The following EFCAB3 variants were observed in gnomAD, a reference collection of about 807,000 sequenced individuals.
EFCAB3 encodes the protein EF-hand calcium-binding domain-containing protein 3.
Under a neutral mutation model 42.2 loss-of-function variants are expected in EFCAB3, and 36 were observed. The observed-to-expected ratio is 0.85, with a 90% CI of 0.65 to 1.13. The LOEUF (loss-of-function observed/expected upper bound fraction) is 1.13, where lower values mean the gene tolerates loss of function less well. Ranked by LOEUF, EFCAB3 falls within the 50% of genes most tolerant of loss-of-function variation. The pLI, the probability that EFCAB3 is intolerant of heterozygous loss-of-function variation, is 0.00. For synonymous variants in EFCAB3, 170 were observed against 172.8 expected (o/e 0.98, Z 0.13); for missense variants, 418 against 505.1 (o/e 0.83, Z 1.65).
At chr17:62,409,217 T>C (rs4968423) in intron 8 of EFCAB3, among the ~76,000 whole-genome samples, 37,246 of 152,028 alleles carry the variant, frequency 0.24, 7,742 homozygotes, top group East Asian at 0.57. Flanking sequence ...CCACCACACC[T>C]GGCTAATTTT....
exon 2 of EFCAB3, chr17:62,373,848 G>T: frequency 6.6e-7 from 1 of 1,510,034 alleles, no homozygotes; most frequent in Non-Finnish European, 9.0e-7. Context: ...CAATAATGGA[G>T]GGCCTGAAGA....
intron 8 of EFCAB3, among the ~76,000 whole-genome samples, chr17:62,408,538 C>T (rs1333364289): frequency 6.6e-6 from 1 of 152,134 alleles, no homozygotes; most frequent in Non-Finnish European, 1.5e-5. Flanking sequence ...TAATTGTAGC[C>T]ACTAGTAGCT....
chr17:62,377,911 C>A, upstream of EFCAB3: 2 of 1,395,652 alleles, frequency 1.4e-6, no homozygotes, highest in South Asian at 2.6e-5. Context: ...CCCTCCTAGT[C>A]TACTTTCCAT....
chr17:62,381,357 C>T (rs918098673), intron 1 of EFCAB3, among the ~76,000 whole-genome samples: 4 of 151,986 alleles, frequency 2.6e-5, no homozygotes, highest in Non-Finnish European at 4.4e-5. Context: ...CATAGTATTC[C>T]ATGGTGTATA....
Position 62,406,507 on chromosome 17 carries a change from T to C in EFCAB3, c.516T>C (p.Thr172=), listed in dbSNP as rs2070448934. The C allele has an allele frequency of 2.5e-6, 4 of 1,603,412 alleles. No individual in the cohort carries two copies. Among genetic ancestry groups the C allele is most frequent in the Middle Eastern group, 1.7e-4 (1 of 6,020 alleles). ...ATTTCCAAAGAAAATTCCAGCATACTGGCCCAGGAATGTTGTGGAGTCCCT... is the reference window on the plus strand; with the variant it reads ...ATTTCCAAAGAAAATTCCAGCATACCGGCCCAGGAATGTTGTGGAGTCCCT... ...VSYFQRKFQH[T]GPGMLWSPYT... The change falls in exon 7 of 10, where the codon ACT becomes ACC. Residue 172 remains threonine (T), a synonymous_variant. Transcript: ENST00000305286.
intron 2 of EFCAB3, among the ~76,000 whole-genome samples, chr17:62,386,059 C>T (rs892201358): frequency 2.6e-5 from 4 of 151,804 alleles, no homozygotes; most frequent in Non-Finnish European, 5.9e-5. Context: ...TCTTATAAAG[C>T]CACAAAACTA....
intron 5 of EFCAB3, among the ~76,000 whole-genome samples, 188 bp from the exon 6 acceptor site, chr17:62,394,880 A>T (rs1216752628): frequency 6.6e-6 from 1 of 152,192 alleles, no homozygotes; most frequent in Non-Finnish European, 1.5e-5. Flanking sequence ...GTATTTTTTA[A>T]CATTCCATTT....
In EFCAB3 at chr17:62,407,039, G is replaced by A. The variant is rs761208952; in HGVS notation, c.694G>A (p.Gly232Ser). 1.3e-5 allele frequency: 21 copies of A among 1,575,902 alleles called. No individual in the cohort carries two copies. The highest frequency in any genetic ancestry group is 3.6e-5 in the South Asian group (3 of 84,204). The stretch of plus-strand genomic sequence containing the variant: ...TTTTATCTTTTTAGGATGCAATTCC[G>A]GTTCAGATAGCCCATATTCAAAAAT... ...FLEELKRCNSGSDSPYSKIPI... is the reference protein window; with the variant it reads ...FLEELKRCNSSSDSPYSKIPI... Residue 232 changes from glycine to serine, a missense_variant, in exon 8 of 10, where the codon GGT becomes AGT. By Grantham distance (56) the Gly-to-Ser change is moderately conservative. Coordinates refer to ENST00000305286, the MANE Select transcript of EFCAB3 (RefSeq NM_173503.4).
chr17:62,383,366 C>T (rs986858988), intron 2 of EFCAB3, among the ~76,000 whole-genome samples: 3 of 152,016 alleles, frequency 2.0e-5, no homozygotes, highest in South Asian at 2.1e-4. Context: ...GCCAGCTACT[C>T]GAGAGGCTGA....
At chr17:62,379,061 G>A (rs976876770), upstream of EFCAB3, among the ~76,000 whole-genome samples, 1 of 152,108 alleles carries the variant, frequency 6.6e-6, no homozygotes, top group Non-Finnish European at 1.5e-5. Context: ...CCACAGAATA[G>A]GGAAAAATAT....
rs550612930 is a variant in EFCAB3, at chr17:62,409,607, T to G, written c.867+2395T>G. ...AAAATTTTTGAACAAATAAATATATTTATGTATTCAAATAAAATCACAACC... is the reference window on the plus strand; with the variant it reads ...AAAATTTTTGAACAAATAAATATATGTATGTATTCAAATAAAATCACAACC... On this transcript the variant is annotated intron_variant, in intron 8 of 9. Transcript: ENST00000305286. 6.6e-4 allele frequency among the ~76,000 whole-genome samples: 100 copies of G among 151,910 alleles called. No individual in the cohort carries two copies. In the Middle Eastern group the frequency reaches 0.01, roughly 16 times the overall value.
At position 62,406,476 on chromosome 17, in the gene EFCAB3, A is replaced by T. The variant is rs1333919174; in HGVS notation, c.489-4A>T. On this transcript the variant is annotated splice_polypyrimidine_tract_variant and splice_region_variant and intron_variant, in intron 6 of 9. Coordinates refer to ENST00000305286, the MANE Select transcript of EFCAB3 (RefSeq NM_173503.4). ...CCATTTCTGAATTACTTTTTTTTTT[A>T]AAGCTATTTCCAAAGAAAATTCCAG... is the stretch of plus-strand genomic sequence containing the variant. 2.2e-5 allele frequency: 34 copies of T among 1,532,986 alleles called. No individual in the cohort carries two copies. Among genetic ancestry groups the T allele is most frequent in the South Asian group, 7.6e-5 (6 of 78,984 alleles). The allele number at this position is 1,532,986 out of a possible 1,614,324, so 95.0% of individuals were successfully genotyped here.
At chr17:62,370,279 A>G in exon 1 of EFCAB3, 1 of 1,551,690 alleles carries the variant, frequency 6.4e-7, no homozygotes, top group Non-Finnish European at 8.7e-7. Context: ...TTGAGCTCAC[A>G]GAAGAAGAAA....
At chr17:62,379,033 A>G (rs995309600), upstream of EFCAB3, among the ~76,000 whole-genome samples, 4 of 152,224 alleles carry the variant, frequency 2.6e-5, no homozygotes, top group Admixed American at 1.3e-4. Context: ...AACATTATCA[A>G]TAAAGTAAAA....
chr17:62,378,375 T>C (rs1419855857), upstream of EFCAB3, among the ~76,000 whole-genome samples: 1 of 152,158 alleles, frequency 6.6e-6, no homozygotes, highest in East Asian at 1.9e-4. Context: ...ATTCAGTTCA[T>C]TGGGCTTTAG....
intron 6 of EFCAB3, among the ~76,000 whole-genome samples, chr17:62,401,696 G>T (rs2070404584): frequency 6.6e-6 from 1 of 152,180 alleles, no homozygotes; most frequent in Non-Finnish European, 1.5e-5. Context: ...CTGTAGCCTT[G>T]TAATATAGTT....
intron 2 of EFCAB3, among the ~76,000 whole-genome samples, chr17:62,385,397 A>G (rs2070240359): frequency 6.6e-6 from 1 of 152,184 alleles, no homozygotes; most frequent in Admixed American, 6.5e-5. Flanking sequence ...AGCCACGATC[A>G]CATCACTGCA....
chr17:62,395,099 T>A lies in EFCAB3; in HGVS notation c.399T>A (p.Ala133=). 6.2e-7 allele frequency: 1 copy of A among 1,614,144 alleles called. No homozygotes were observed. The highest frequency in any genetic ancestry group is 2.2e-5 in the East Asian group (1 of 44,880). The change falls in exon 6 of 10, where the codon GCT becomes GCA. Residue 133 remains alanine, a synonymous_variant. Transcript: ENST00000305286. ...VPEKETCLDL[A]GNPGILLFEI... ...AAAAGGAGACCTGTTTAGATTTGGCTGGCAACCCAGGAATCCTATTGTTTG... is the reference window on the plus strand; with the variant it reads ...AAAAGGAGACCTGTTTAGATTTGGCAGGCAACCCAGGAATCCTATTGTTTG...
At chr17:62,397,280 G>T in intron 6 of EFCAB3, 1 of 241,952 alleles carries the variant, frequency 4.1e-6, no homozygotes, top group Non-Finnish European at 8.0e-6. Flanking sequence ...GACAATTTGA[G>T]AGGCTGAGGT....
Sources: gnomAD v4.1 joint callset for allele counts (sites outside exome capture counted in the v4.1 genomes callset) on GRCh38, gnomAD v4.1.1 for gene constraint, MANE v1.5 for transcripts, NCBI Gene and HGNC (gene_info 2026-07-23, HGNC 2026-07-21) for gene names.